The following VPS54 variants were observed in gnomAD, a reference collection of about 807,000 sequenced individuals.
The protein encoded by VPS54 is vacuolar protein sorting-associated protein 54.
A neutral mutation model predicts 121.5 loss-of-function variants in VPS54; 45 were observed. That is an observed-to-expected ratio of 0.37 (90% confidence interval 0.29 to 0.47). The LOEUF is 0.47. Among genes scored for constraint, VPS54 ranks in the 20% least tolerant of loss-of-function variants. The pLI is 0.99. For synonymous variants in VPS54, 371 were observed against 385.8 expected (o/e 0.96, Z 0.45); for missense variants, 1,090 against 1,131.4 (o/e 0.96, Z 0.52).
chr2:63,972,313 T>C, intron 3 of VPS54, 69 bp from the exon 4 acceptor site: 1 of 1,208,776 alleles, frequency 8.3e-7, no homozygotes, highest in Non-Finnish European at 1.2e-6. Context: ...GAAAGTGTTT[T>C]GCAACAGAAT....
intron 20 of VPS54, among the ~76,000 whole-genome samples, chr2:63,905,838 A>C (rs141381080): frequency 0.016 from 2,435 of 152,274 alleles, 24 homozygotes; most frequent in Non-Finnish European, 0.027. Context: ...ACCTTAAAAA[A>C]TCAATGAAGG....
chr2:63,998,446 G>A (rs1412434611), intron 1 of VPS54, among the ~76,000 whole-genome samples: 2 of 151,972 alleles, frequency 1.3e-5, no homozygotes, highest in Non-Finnish European at 2.9e-5. Context: ...CCTGCCATTT[G>A]TTTTTTGTTT....
chr2:63,983,506 G>C (rs529488354), intron 2 of VPS54, among the ~76,000 whole-genome samples: 2 of 142,144 alleles, frequency 1.4e-5, no homozygotes, highest in East Asian at 2.0e-4. Flanking sequence ...GCAGTGGCCC[G>C]ATCTCAGCTC....
chr2:63,914,113 A>G (rs1673271751), intron 17 of VPS54, 69 bp downstream of exon 17: 3 of 1,254,656 alleles, frequency 2.4e-6, no homozygotes, highest in Admixed American at 2.0e-5. Flanking sequence ...CTTTGAGTTA[A>G]GATTAGTCAC....
At chr2:63,994,704 G>T (rs1472886875) in intron 1 of VPS54, among the ~76,000 whole-genome samples, 3 of 152,294 alleles carry the variant, frequency 2.0e-5, no homozygotes, top group African/African-American at 7.2e-5. Flanking sequence ...AATGAAAGGG[G>T]GAGTAATGGG....
At chr2:63,895,136 T>G (rs2104390861) in intron 22 of VPS54, among the ~76,000 whole-genome samples, 1 of 152,206 alleles carries the variant, frequency 6.6e-6, no homozygotes, top group South Asian at 2.1e-4. Flanking sequence ...TTAAAATATC[T>G]TAGAGGAAAA....
rs1445684511 is a variant in VPS54 at position 63,892,644 on chromosome 2, C to G, written c.*786G>C. On this transcript the variant is annotated 3_prime_UTR_variant, in exon 23 of 23. Transcript: ENST00000272322. ...AAAACACCCCAAACCCTTCATCATA[C>G]TTTTATAAAAATACAGATATTAAAC... 6.6e-6 allele frequency: 1 copy of G among 152,510 alleles called. No homozygotes were observed. Among genetic ancestry groups the G allele is most frequent in the Admixed American group, 6.5e-5 (1 of 15,270 alleles). The allele number at this position is 152,510 out of a possible 1,614,324, so 9.4% of individuals were successfully genotyped here.
intron 21 of VPS54, among the ~76,000 whole-genome samples, chr2:63,898,845 G>A (rs925751981): frequency 2.6e-5 from 4 of 151,848 alleles, no homozygotes; most frequent in Admixed American, 6.6e-5. Context: ...CCAGGAGAGC[G>A]CAACAGGGCT....
At chr2:63,988,817 G>T (rs918943237) in intron 1 of VPS54, among the ~76,000 whole-genome samples, 2 of 152,082 alleles carry the variant, frequency 1.3e-5, no homozygotes, top group African/African-American at 4.8e-5. Context: ...AAAAGAACAG[G>T]CAGGATAACA....
Position 63,914,223 on chromosome 2 carries a change from C to G in VPS54, c.2293G>C (p.Val765Leu). The G allele has an allele frequency of 6.2e-7, 1 of 1,613,698 alleles. No individual in the cohort carries two copies. Among genetic ancestry groups the G allele is most frequent in the Non-Finnish European group, 8.5e-7 (1 of 1,179,792 alleles). ...YCQCVDNIPS[V>L]TTDMLTRLSD... Reference sequence around the variant, plus strand: ...AGACGAGTAAGCATGTCAGTAGTAACAGATGGGATGTTATCCACACACTGG... The same window carrying G: ...AGACGAGTAAGCATGTCAGTAGTAAGAGATGGGATGTTATCCACACACTGG... The change falls in exon 17 of 23, where the codon GTT becomes CTT. Residue 765 changes from valine (V) to leucine (L), a missense_variant. Around this residue, in one of 2 missense-constraint regions of VPS54, gnomAD observed 289 missense variants for 374.4 expected, o/e 0.77. Coordinates refer to ENST00000272322, the MANE Select transcript of VPS54 (RefSeq NM_016516.3).
At chr2:63,961,997 C>G in intron 7 of VPS54, 61 bp downstream of exon 7, 1 of 1,446,868 alleles carries the variant, frequency 6.9e-7, no homozygotes, top group South Asian at 1.6e-5. Context: ...ACATTACATG[C>G]TCAATTTTAT....
At chr2:63,901,221 G>GT (rs1271784963) in intron 20 of VPS54, among the ~76,000 whole-genome samples, 12 of 152,170 alleles carry the variant, frequency 7.9e-5, no homozygotes, top group African/African-American at 2.9e-4. Flanking sequence ...CAGATAATCT[G>GT]TAAGACCATA....
chr2:64,015,638 C>T (rs909005697), intron 1 of VPS54, among the ~76,000 whole-genome samples: 1 of 152,148 alleles, frequency 6.6e-6, no homozygotes, highest in African/African-American at 2.4e-5. Flanking sequence ...TAGACACTGC[C>T]AAATTTCCCT....
At chr2:63,965,321 A>G (rs546559212) in intron 6 of VPS54, among the ~76,000 whole-genome samples, 20 of 152,038 alleles carry the variant, frequency 1.3e-4, no homozygotes, top group Admixed American at 1.2e-3. Flanking sequence ...CCAAAAATAC[A>G]AAAAATTAGC....
chr2:63,985,294 G>C (rs1559040196), intron 1 of VPS54, among the ~76,000 whole-genome samples: 1 of 152,066 alleles, frequency 6.6e-6, no homozygotes, highest in Non-Finnish European at 1.5e-5. Flanking sequence ...ACTCCAGCCT[G>C]GGCAACATGG....
intron 7 of VPS54, among the ~76,000 whole-genome samples, chr2:63,952,435 A>G (rs1354534959): frequency 6.6e-6 from 1 of 152,194 alleles, no homozygotes; most frequent in Non-Finnish European, 1.5e-5. Flanking sequence ...AATTTAAAAA[A>G]CATTTAAACT....
chr2:63,993,800 G>C (rs576613311), intron 1 of VPS54, among the ~76,000 whole-genome samples: 1 of 152,174 alleles, frequency 6.6e-6, no homozygotes, highest in East Asian at 1.9e-4. Flanking sequence ...GCCCATTCCT[G>C]AGGCTGTTAC....
At chr2:63,939,318 G>A (rs747056428) in intron 11 of VPS54, among the ~76,000 whole-genome samples, 2 of 152,056 alleles carry the variant, frequency 1.3e-5, no homozygotes, top group Admixed American at 6.6e-5. Flanking sequence ...ATTGAAGTGA[G>A]CTGAGATTGT....
At chr2:63,951,298 A>G (rs1675230999) in intron 7 of VPS54, among the ~76,000 whole-genome samples, 1 of 151,310 alleles carries the variant, frequency 6.6e-6, no homozygotes, top group Non-Finnish European at 1.5e-5. Flanking sequence ...TTTACTGTAA[A>G]TGTCATGACT....
Sources: allele counts gnomAD v4.1 joint callset (sites outside exome capture counted in the v4.1 genomes callset), GRCh38; gene constraint gnomAD v4.1.1; regional missense constraint gnomAD v4.1.1; transcripts MANE v1.5; gene names NCBI Gene and HGNC (gene_info 2026-07-23, HGNC 2026-07-21).